The following TRAPPC9 variants were observed in gnomAD, a reference collection of about 807,000 sequenced individuals.
The protein encoded by TRAPPC9 is IKK2 binding protein.
Under a neutral mutation model 124.0 loss-of-function variants are expected in TRAPPC9, and 83 were observed. The observed-to-expected ratio is 0.67, with a 90% CI of 0.56 to 0.80. The LOEUF is 0.80. Ranked by LOEUF, TRAPPC9 falls within the 30% of genes least tolerant of loss-of-function variation. The pLI, the probability that TRAPPC9 is intolerant of heterozygous loss-of-function variation, is 0.00. For synonymous variants in TRAPPC9, 638 were observed against 617.5 expected (o/e 1.03, Z -0.49); for missense variants, 1,302 against 1,508.3 (o/e 0.86, Z 2.27).
intron 17 of TRAPPC9, among the ~76,000 whole-genome samples, chr8:140,085,117 C>A (rs771419281): frequency 1.5e-4 from 23 of 152,128 alleles, no homozygotes; most frequent in Non-Finnish European, 3.1e-4. Flanking sequence ...TGTTTCACTG[C>A]AAACACCTTT....
intron 9 of TRAPPC9, among the ~76,000 whole-genome samples, chr8:140,349,301 G>T (rs893237863): frequency 1.4e-5 from 2 of 147,406 alleles, no homozygotes; most frequent in East Asian, 2.1e-4. Context: ...ACACCAGGGG[G>T]CTGAAGGAGG....
intron 17 of TRAPPC9, among the ~76,000 whole-genome samples, chr8:140,053,729 G>A (rs1842133321): frequency 6.6e-6 from 1 of 152,170 alleles, no homozygotes; most frequent in South Asian, 2.1e-4. Flanking sequence ...ACATTTAGGT[G>A]CTGTGATGTT....
intron 17 of TRAPPC9, among the ~76,000 whole-genome samples, chr8:140,155,855 C>CTTTGAAAGTTTCAAAGAA (rs2061619477): frequency 6.6e-6 from 1 of 152,140 alleles, no homozygotes; most frequent in Non-Finnish European, 1.5e-5. Flanking sequence ...TTTTCAAAGA[C>CTTTGAAAGTTTCAAAGAA]ACTTGCAAAC....
intron 21 of TRAPPC9, among the ~76,000 whole-genome samples, chr8:139,848,419 T>A (rs62528715): frequency 0.033 from 4,985 of 152,220 alleles, 117 homozygotes; most frequent in Non-Finnish European, 0.053. Context: ...CACACGGTGA[T>A]AGATTGATTG....
Position 139,794,446 on chromosome 8 carries a change from G to T in TRAPPC9, c.3056-62244C>A, listed in dbSNP as rs2130628429. Among the ~76,000 whole-genome samples, 3 of 152,330 alleles carry T rather than the reference G, an allele frequency of 2.0e-5. No individual in the cohort carries two copies. In the South Asian group the frequency reaches 6.2e-4, roughly 32 times the overall value. ...GAAAAAGGGGACTCCAAGGCCAAAT[G>T]GAGGCATTCTCGCTTACCAAAGGGG... On this transcript the variant is annotated intron_variant, in intron 21 of 22. Transcript: ENST00000438773.
chr8:140,188,117 T>C (rs534942426), intron 17 of TRAPPC9, among the ~76,000 whole-genome samples: 2 of 152,304 alleles, frequency 1.3e-5, no homozygotes, highest in South Asian at 2.1e-4. Context: ...CCAGAGATCA[T>C]GGGAGAAGGA....
At chr8:139,950,841 C>T (rs1834590700) in intron 19 of TRAPPC9, among the ~76,000 whole-genome samples, 1 of 152,224 alleles carries the variant, frequency 6.6e-6, no homozygotes, top group African/African-American at 2.4e-5. Context: ...AGTAAGTGAA[C>T]ACCAGCTCCG....
At chr8:140,170,308 G>C (rs1287538409) in intron 17 of TRAPPC9, among the ~76,000 whole-genome samples, 2 of 152,102 alleles carry the variant, frequency 1.3e-5, no homozygotes, top group Admixed American at 6.5e-5. Context: ...CTCTACCAAA[G>C]GAGACAGTAT....
chr8:139,938,183 T>C (rs1488840877), intron 19 of TRAPPC9, among the ~76,000 whole-genome samples: 1 of 152,226 alleles, frequency 6.6e-6, no homozygotes, highest in Non-Finnish European at 1.5e-5. Context: ...TGGCAGGTCT[T>C]TGGGAACCTG....
chr8:140,183,903 A>G (rs1423801154), intron 17 of TRAPPC9, among the ~76,000 whole-genome samples: 1 of 13,346 alleles, frequency 7.5e-5, no homozygotes. Flanking sequence ...AGAGGAGAGG[A>G]GAGGAGAGGA....
chr8:140,260,295 A>G (rs367861483), intron 15 of TRAPPC9, among the ~76,000 whole-genome samples: 1 of 152,120 alleles, frequency 6.6e-6, no homozygotes, highest in African/African-American at 2.4e-5. Context: ...GTGGCTCGAG[A>G]GTGAAGTGGG....
chr8:140,160,691 T>C (rs2061735865), intron 17 of TRAPPC9, among the ~76,000 whole-genome samples: 1 of 152,058 alleles, frequency 6.6e-6, no homozygotes, highest in Admixed American at 6.5e-5. Context: ...AAATGCCTAA[T>C]GCAAATGATA....
intron 20 of TRAPPC9, among the ~76,000 whole-genome samples, chr8:139,895,393 A>G (rs4736010): frequency 0.59 from 89,868 of 152,048 alleles, 27,189 homozygotes; most frequent in African/African-American, 0.73. Context: ...AAAAAAAATT[A>G]CGGTAAAAAG....
chr8:139,900,736 C>T (rs1317048885), intron 20 of TRAPPC9, among the ~76,000 whole-genome samples: 1 of 152,078 alleles, frequency 6.6e-6, no homozygotes, highest in Non-Finnish European at 1.5e-5. Context: ...TCTGTAAGGC[C>T]ATTAGCAGTA....
rs751284350 is a variant in TRAPPC9 at position 140,353,617 on chromosome 8, G to A, written c.1495+6433C>T. On this transcript the variant is annotated intron_variant, in intron 9 of 22. Coordinates refer to ENST00000438773, the MANE Select transcript of TRAPPC9 (RefSeq NM_001160372.4). The surrounding 1 kb of genome is among the most constrained non-coding windows in gnomAD (Gnocchi z 4.2). ...AGTAACTGTAAATTCATCCTGAAAC[G>A]GCCAGCGCAAGGATGACCATCAGGC... 2.7e-4 allele frequency among the ~76,000 whole-genome samples: 41 copies of A among 152,114 alleles called. No homozygotes were observed. The highest frequency in any genetic ancestry group is 5.1e-4 in the Non-Finnish European group (35 of 68,028).
intron 21 of TRAPPC9, among the ~76,000 whole-genome samples, chr8:139,753,185 C>T (rs939914926): frequency 6.6e-6 from 1 of 150,382 alleles, no homozygotes; most frequent in Non-Finnish European, 1.5e-5. Flanking sequence ...CATCCAACAT[C>T]TACCCATGCA....
At chr8:139,880,179 T>C (rs965491126) in intron 21 of TRAPPC9, among the ~76,000 whole-genome samples, 5 of 152,200 alleles carry the variant, frequency 3.3e-5, no homozygotes, top group Non-Finnish European at 7.3e-5. Context: ...TCAACTCAGC[T>C]GAGGTCCCTG....
In TRAPPC9 at chr8:139,742,935, T is replaced by A. The variant is rs1424306795; in HGVS notation, c.3056-10733A>T. Among the ~76,000 whole-genome samples, 1 of 151,956 alleles carries A rather than the reference T, an allele frequency of 6.6e-6. No individual in the cohort carries two copies. The highest frequency in any genetic ancestry group is 2.4e-5 in the African/African-American group (1 of 41,352). ...ACCCTAGAGAGGCGGGTTTCCTCTG[T>A]CTAGGGTGGTGCTGAGCATGAGTTT... On this transcript the variant is annotated intron_variant, in intron 21 of 22. Transcript: ENST00000438773. The surrounding 1 kb of genome is among the most constrained non-coding windows in gnomAD (Gnocchi z 4.7).
intron 17 of TRAPPC9, among the ~76,000 whole-genome samples, chr8:140,157,545 T>C (rs1233375064): frequency 2.0e-5 from 3 of 152,244 alleles, no homozygotes; most frequent in African/African-American, 7.2e-5. Context: ...CCATGAGAGA[T>C]GCTAAGCAAG....
Sources: allele counts gnomAD v4.1 joint callset (sites outside exome capture counted in the v4.1 genomes callset), GRCh38; gene constraint gnomAD v4.1.1; non-coding constraint Gnocchi (gnomAD v3.1); transcripts MANE v1.5; gene names NCBI Gene and HGNC (gene_info 2026-07-23, HGNC 2026-07-21).